MARK1: variants seen among roughly 807,000 people sequenced by gnomAD.
MARK1 encodes the protein serine/threonine-protein kinase MARK1.
MARK1 carries 40 observed loss-of-function variants against 96.3 expected under a neutral mutation model. That is an observed-to-expected ratio of 0.42 (90% CI 0.32 to 0.54). MARK1 has a LOEUF of 0.54. Ranked by LOEUF, MARK1 falls within the 20% of genes least tolerant of loss-of-function variation. The pLI, the probability that MARK1 is intolerant of heterozygous loss-of-function variation, is 0.16. For synonymous variants in MARK1, 317 were observed against 341.2 expected (o/e 0.93, Z 0.78); for missense variants, 719 against 984.6 (o/e 0.73, Z 3.61).
chr1:220,638,828 A>G (rs1558315998), intron 13 of MARK1, among the ~76,000 whole-genome samples: 1 of 152,184 alleles, frequency 6.6e-6, no homozygotes, highest in Non-Finnish European at 1.5e-5. Context: ...TTAGCACTAT[A>G]GGAGTTTCTA....
In MARK1 at chr1:220,595,684, G is replaced by A. The variant is rs140301075; in HGVS notation, c.310-2647G>A. On this transcript the variant is annotated intron_variant, in intron 3 of 17. Transcript: ENST00000366917. ...TAGCATTGAGAAACCACCAGTGGAT[G>A]TTAAGTAGTAGATAACGGATTGGAG... is the stretch of plus-strand genomic sequence containing the variant. 1.7e-3 allele frequency among the ~76,000 whole-genome samples: 265 copies of A among 152,330 alleles called. 1 individual carries two copies. The highest frequency in any genetic ancestry group is 6.0e-3 in the African/African-American group (251 of 41,584).
intron 9 of MARK1, among the ~76,000 whole-genome samples, chr1:220,630,658 T>C (rs1207360177): frequency 6.6e-6 from 1 of 152,250 alleles, no homozygotes; most frequent in African/African-American, 2.4e-5. Flanking sequence ...AAATAAGGCA[T>C]ATATTTGGCA....
At chr1:220,581,220 A>G (rs138096505) in intron 3 of MARK1, 102 bp downstream of exon 3, 7,009 of 393,100 alleles carry the variant, frequency 0.018, 108 homozygotes, top group Middle Eastern at 0.06. Flanking sequence ...GTACAATTCT[A>G]CATTTCATCA....
At chr1:220,600,676 T>C (rs1665676744) in intron 5 of MARK1, among the ~76,000 whole-genome samples, 1 of 152,172 alleles carries the variant, frequency 6.6e-6, no homozygotes. Context: ...TTTAAGCAAC[T>C]GAAGAAGAAA....
At chr1:220,650,508 TC>T in intron 13 of MARK1, 111 bp from the exon 14 acceptor site, 1 of 661,512 alleles carries the variant, frequency 1.5e-6, no homozygotes, top group Non-Finnish European at 2.7e-6. Context: ...AATATAAGAT[TC>T]TGATCAATTA....
Position 220,660,122 on chromosome 1 carries a change from G to T in MARK1, c.2034-1690G>T, listed in dbSNP as rs1230727020. Among the ~76,000 whole-genome samples, 3 of 152,144 alleles carry T rather than the reference G, an allele frequency of 2.0e-5. No individual in the cohort carries two copies. The East Asian group carries it at 5.8e-4, about 29-fold the overall frequency. Reference sequence around the variant, plus strand: ...CAGCCATCAGTTCCATCTTTAAAATGAGTGCTCAGTCAACTGATCTCTCAG... The same window carrying T: ...CAGCCATCAGTTCCATCTTTAAAATTAGTGCTCAGTCAACTGATCTCTCAG... On this transcript the variant is annotated intron_variant, in intron 17 of 17. Transcript: ENST00000366917.
intron 1 of MARK1, among the ~76,000 whole-genome samples, chr1:220,553,350 A>G (rs1426167730): frequency 1.3e-5 from 2 of 152,180 alleles, no homozygotes; most frequent in Admixed American, 6.5e-5. Context: ...CTAGTGCTCC[A>G]TCTACTTATG....
At chr1:220,584,049 A>G (rs1664432044) in intron 3 of MARK1, among the ~76,000 whole-genome samples, 1 of 152,074 alleles carries the variant, frequency 6.6e-6, no homozygotes, top group African/African-American at 2.4e-5. Context: ...CATAAATTTG[A>G]AATGTAAGAT....
intron 1 of MARK1, among the ~76,000 whole-genome samples, chr1:220,534,861 CTTTTTT>C (rs574333353): frequency 1.4e-3 from 218 of 152,194 alleles, no homozygotes; most frequent in African/African-American, 4.9e-3. Context: ...GGATTTCTGT[CTTTTTT>C]ATAGCTGAAT....
At chr1:220,542,554 A>G (rs1661214223) in intron 1 of MARK1, among the ~76,000 whole-genome samples, 1 of 152,140 alleles carries the variant, frequency 6.6e-6, no homozygotes, top group Non-Finnish European at 1.5e-5. Flanking sequence ...GGGAACCCCT[A>G]CTGACGTGGG....
At chr1:220,622,987 A>G (rs1667128742) in intron 9 of MARK1, among the ~76,000 whole-genome samples, 1 of 152,212 alleles carries the variant, frequency 6.6e-6, no homozygotes, top group African/African-American at 2.4e-5. Context: ...TTTTGTTAAT[A>G]TAACTCTCAG....
intron 1 of MARK1, among the ~76,000 whole-genome samples, chr1:220,565,748 ATTTTTGATG>A (rs981779260): frequency 6.6e-6 from 1 of 152,106 alleles, no homozygotes; most frequent in Non-Finnish European, 1.5e-5. Flanking sequence ...TTCCCATCAG[ATTTTTGATG>A]TTTTTCTCTC....
intron 3 of MARK1, among the ~76,000 whole-genome samples, chr1:220,584,457 T>C (rs1210041908): frequency 6.6e-6 from 1 of 152,220 alleles, no homozygotes; most frequent in African/African-American, 2.4e-5. Context: ...TTTAAATTAT[T>C]GAATTCTGAA....
chr1:220,642,360 C>T (rs1668322883), intron 13 of MARK1, among the ~76,000 whole-genome samples: 1 of 152,226 alleles, frequency 6.6e-6, no homozygotes, highest in Admixed American at 6.5e-5. Context: ...AGCATAGCAG[C>T]TGTGGCAGAT....
intron 13 of MARK1, among the ~76,000 whole-genome samples, chr1:220,645,652 T>C (rs1233155166): frequency 6.6e-6 from 1 of 152,146 alleles, no homozygotes; most frequent in Non-Finnish European, 1.5e-5. Context: ...GCAAAAATCC[T>C]CAATAAAATA....
intron 3 of MARK1, among the ~76,000 whole-genome samples, chr1:220,585,117 G>A (rs1211569700): frequency 6.6e-6 from 1 of 152,072 alleles, no homozygotes; most frequent in Non-Finnish European, 1.5e-5. Flanking sequence ...CTTTTTTGAG[G>A]GTTAAAGGTG....
chr1:220,551,086 A>C (rs1374961302), intron 1 of MARK1, among the ~76,000 whole-genome samples: 1 of 152,196 alleles, frequency 6.6e-6, no homozygotes, highest in Admixed American at 6.5e-5. Context: ...CGTGTCTCTC[A>C]CTGCCTTCTG....
chr1:220,625,542 C>T (rs1667276661), intron 9 of MARK1, among the ~76,000 whole-genome samples: 1 of 152,098 alleles, frequency 6.6e-6, no homozygotes, highest in African/African-American at 2.4e-5. Flanking sequence ...AGAAAGGTCC[C>T]AGGCTTTATG....
chr1:220,616,087 A>C, intron 7 of MARK1, 92 bp downstream of exon 7: 1 of 626,748 alleles, frequency 1.6e-6, no homozygotes, highest in Non-Finnish European at 2.7e-6. Context: ...TTTATTGCCT[A>C]ACTGTGCTGC....
Sources: gnomAD v4.1 joint callset for allele counts (sites outside exome capture counted in the v4.1 genomes callset) on GRCh38, gnomAD v4.1.1 for gene constraint, MANE v1.5 for transcripts, NCBI Gene and HGNC (gene_info 2026-07-23, HGNC 2026-07-21) for gene names.